BCHE: variants seen among roughly 807,000 people sequenced by gnomAD.
BCHE encodes the protein cholinesterase.
In BCHE, 48 loss-of-function variants were observed where a neutral mutation model predicts 51.3. The observed-to-expected ratio is 0.94, with a 90% CI of 0.74 to 1.19. The LOEUF is 1.19. Ranked by LOEUF, BCHE falls within the 50% of genes most tolerant of loss-of-function variation. The probability of loss-of-function intolerance (pLI) is 0.00; values close to 1 mark genes in which losing one functional copy is unlikely to be tolerated. For missense variants in BCHE, 847 were observed against 708.2 expected (o/e 1.20, Z -2.23); for synonymous variants, 251 against 238.0 (o/e 1.05, Z -0.50).
chr3:165,793,860 A>T (rs1713264204), intron 2 of BCHE, among the ~76,000 whole-genome samples: 1 of 152,074 alleles, frequency 6.6e-6, no homozygotes, highest in African/African-American at 2.4e-5. Context: ...AGCCTTACCT[A>T]TATGGTGAAA....
In BCHE at chr3:165,795,770, CT is replaced by C. The variant is rs747416390; in HGVS notation, c.1518-9460del. ...AAATTTGCAAAAATTCATAAATTAA[CT>C]AAGGATGATTTCTTGTATCTAAATA... On this transcript the variant is annotated intron_variant, in intron 2 of 3. Coordinates refer to ENST00000264381, the MANE Select transcript of BCHE (RefSeq NM_000055.4). Among the ~76,000 whole-genome samples the C allele has an allele frequency of 9.2e-5, 14 of 152,056 alleles. 1 individual carries two copies. The highest frequency in any genetic ancestry group is 9.2e-4 in the Admixed American group (14 of 15,270).
At chr3:165,831,596 C>T (rs1714991472) in intron 1 of BCHE, among the ~76,000 whole-genome samples, 2 of 152,072 alleles carry the variant, frequency 1.3e-5, no homozygotes, top group Admixed American at 1.3e-4. Context: ...TGACATCTTC[C>T]TCTATACAAT....
At chr3:165,811,118 G>A (rs1363464844) in intron 2 of BCHE, among the ~76,000 whole-genome samples, 4 of 152,098 alleles carry the variant, frequency 2.6e-5, no homozygotes, top group Admixed American at 1.3e-4. Context: ...TAGCAGCAAT[G>A]TTATATTTTA....
chr3:165,820,927 T>C (rs1234110278), intron 2 of BCHE, among the ~76,000 whole-genome samples: 2 of 152,010 alleles, frequency 1.3e-5, no homozygotes, highest in Non-Finnish European at 2.9e-5. Context: ...GCCTGGCGAA[T>C]GTATAATACA....
At chr3:165,819,223 C>T (rs554260784) in intron 2 of BCHE, among the ~76,000 whole-genome samples, 4 of 151,188 alleles carry the variant, frequency 2.6e-5, no homozygotes, top group South Asian at 4.2e-4. Context: ...GGATTAAAAG[C>T]GTGCACCACC....
At chr3:165,796,273 A>G (rs775115504) in intron 2 of BCHE, among the ~76,000 whole-genome samples, 4 of 152,200 alleles carry the variant, frequency 2.6e-5, no homozygotes, top group Non-Finnish European at 5.9e-5. Flanking sequence ...ATATAGCTTG[A>G]CATCTGTTAT....
intron 1 of BCHE, among the ~76,000 whole-genome samples, chr3:165,836,387 T>G (rs538973178): frequency 6.6e-6 from 1 of 152,064 alleles, no homozygotes; most frequent in East Asian, 1.9e-4. Flanking sequence ...TTACACAGAC[T>G]AGTGACAGGA....
At chr3:165,815,559 G>T (rs968602708) in intron 2 of BCHE, among the ~76,000 whole-genome samples, 7 of 152,030 alleles carry the variant, frequency 4.6e-5, no homozygotes, top group African/African-American at 1.7e-4. Context: ...GCAATAGCTA[G>T]CAAATGTTAG....
At chr3:165,819,090 T>TC (rs397797832) in intron 2 of BCHE, among the ~76,000 whole-genome samples, 2 of 150,910 alleles carry the variant, frequency 1.3e-5, no homozygotes, top group South Asian at 2.1e-4. Context: ...TTTTTTTTTT[T>TC]CTCCTGAGAC....
At chr3:165,790,507 A>G (rs896868007) in intron 2 of BCHE, among the ~76,000 whole-genome samples, 1 of 152,196 alleles carries the variant, frequency 6.6e-6, no homozygotes, top group Non-Finnish European at 1.5e-5. Flanking sequence ...TCTGAGTTCT[A>G]TGAATAGCTC....
intron 3 of BCHE, chr3:165,778,669 C>A (rs1193292035): frequency 2.2e-6 from 1 of 452,420 alleles, no homozygotes; most frequent in Admixed American, 2.4e-5. Flanking sequence ...GTAAGCAGAC[C>A]CTGTCATTTT....
rs1241084014 is a variant in BCHE at position 165,820,476 on chromosome 3, GA to G, written c.1517+9040del. On this transcript the variant is annotated intron_variant, in intron 2 of 3. Transcript: ENST00000264381. ...TAACTCCTAAATTAATTTCTAAGGA[GA>G]AAAAAAGATTTAAAGTGATAGAACA... Among the ~76,000 whole-genome samples the G allele has an allele frequency of 2.0e-5, 3 of 151,518 alleles. No homozygotes were observed. In the East Asian group the frequency reaches 5.8e-4, roughly 29 times the overall value.
At chr3:165,800,428 A>G (rs1487678949) in intron 2 of BCHE, among the ~76,000 whole-genome samples, 1 of 152,040 alleles carries the variant, frequency 6.6e-6, no homozygotes, top group African/African-American at 2.4e-5. Context: ...TTTTTTTCTC[A>G]AAGAGAAATA....
intron 3 of BCHE, among the ~76,000 whole-genome samples, chr3:165,773,791 C>G (rs1712350700): frequency 1.2e-5 from 1 of 83,526 alleles, no homozygotes; most frequent in Non-Finnish European, 3.1e-5. Flanking sequence ...AATTACATTA[C>G]ATATATTTTC....
At chr3:165,792,781 G>T (rs915290442) in intron 2 of BCHE, among the ~76,000 whole-genome samples, 1 of 152,116 alleles carries the variant, frequency 6.6e-6, no homozygotes, top group African/African-American at 2.4e-5. Context: ...AACATGATAT[G>T]GGTTCAATTC....
At chr3:165,820,927 T>G (rs1234110278) in intron 2 of BCHE, among the ~76,000 whole-genome samples, 1 of 152,010 alleles carries the variant, frequency 6.6e-6, no homozygotes, top group East Asian at 1.9e-4. Flanking sequence ...GCCTGGCGAA[T>G]GTATAATACA....
intron 2 of BCHE, among the ~76,000 whole-genome samples, chr3:165,788,714 G>T (rs138840231): frequency 1.7e-3 from 264 of 152,188 alleles, no homozygotes; most frequent in African/African-American, 6.2e-3. Context: ...GAATGGCAAC[G>T]TAAACAGAGC....
At chr3:165,793,000 C>A (rs937512460) in intron 2 of BCHE, among the ~76,000 whole-genome samples, 10 of 152,002 alleles carry the variant, frequency 6.6e-5, no homozygotes, top group African/African-American at 2.4e-4. Flanking sequence ...TTAATTGTTT[C>A]TTTTGCTGTG....
chr3:165,817,001 C>G (rs907013827), intron 2 of BCHE, among the ~76,000 whole-genome samples: 2 of 151,980 alleles, frequency 1.3e-5, no homozygotes, highest in Admixed American at 6.6e-5. Context: ...TTAAATATTT[C>G]TGGAAAAACA....
Sources: gnomAD v4.1 joint callset for allele counts (sites outside exome capture counted in the v4.1 genomes callset) on GRCh38, gnomAD v4.1.1 for gene constraint, MANE v1.5 for transcripts, NCBI Gene and HGNC (gene_info 2026-07-23, HGNC 2026-07-21) for gene names.